PTPRN2: variants seen among roughly 807,000 people sequenced by gnomAD.
The protein encoded by PTPRN2 is protein tyrosine phosphatase receptor type N2, also known as receptor-type tyrosine-protein phosphatase N2.
In PTPRN2, 74 loss-of-function variants were observed where a neutral mutation model predicts 118.8. That is an observed-to-expected ratio of 0.62 (90% CI 0.52 to 0.76). PTPRN2 has a LOEUF of 0.76. Ranked by LOEUF, PTPRN2 falls within the 30% of genes least tolerant of loss-of-function variation. The probability of loss-of-function intolerance (pLI) is 0.00; values close to 1 mark genes in which losing one functional copy is unlikely to be tolerated. For synonymous variants in PTPRN2, 641 were observed against 608.0 expected (o/e 1.05, Z -0.80); for missense variants, 1,481 against 1,394.4 (o/e 1.06, Z -0.99).
In PTPRN2 at chr7:157,566,195, C is replaced by T. The variant is rs1337886877; in HGVS notation, c.2902+2707G>A. Among the ~76,000 whole-genome samples, 10 of 152,360 alleles carry T rather than the reference C, an allele frequency of 6.6e-5. No homozygotes were observed. In the South Asian group the frequency reaches 1.0e-3, roughly 16 times the overall value. On this transcript the variant is annotated intron_variant, in intron 21 of 22. Transcript: ENST00000389418. ...CAGGACTGGAGGGCCCTAACATCAG[C>T]GTTGGCACTGCCCGACTGCCCGGGA...
chr7:158,295,325 T>C, intron 3 of PTPRN2, among the ~76,000 whole-genome samples: 1 of 12,896 alleles, frequency 7.8e-5, no homozygotes, highest in African/African-American at 2.4e-4. Context: ...CCTGCCTGTC[T>C]GCCCAGACAC....
chr7:158,044,260 T>C (rs575940973), intron 11 of PTPRN2, among the ~76,000 whole-genome samples: 2 of 152,266 alleles, frequency 1.3e-5, no homozygotes, highest in African/African-American at 2.4e-5. Context: ...CTGGTGCGTC[T>C]GGGGAGCTCA....
At chr7:157,855,315 G>C (rs1407931929) in intron 12 of PTPRN2, among the ~76,000 whole-genome samples, 1 of 152,166 alleles carries the variant, frequency 6.6e-6, no homozygotes, top group African/African-American at 2.4e-5. Flanking sequence ...TCTCGAGCTC[G>C]GCCTCTTAAG....
chr7:158,337,518 C>A (rs1366524955), intron 2 of PTPRN2, among the ~76,000 whole-genome samples: 1 of 151,056 alleles, frequency 6.6e-6, no homozygotes, highest in Admixed American at 6.6e-5. Context: ...CACACTCTCA[C>A]CATAAGAGGT....
chr7:158,530,965 G>C (rs961868251), intron 1 of PTPRN2, among the ~76,000 whole-genome samples: 3 of 152,164 alleles, frequency 2.0e-5, no homozygotes, highest in Non-Finnish European at 4.4e-5. Flanking sequence ...CATGTGTACG[G>C]ATGTATCTGT....
intron 3 of PTPRN2, among the ~76,000 whole-genome samples, chr7:158,269,264 C>A (rs2150954794): frequency 1.3e-5 from 2 of 152,306 alleles, no homozygotes; most frequent in East Asian, 3.9e-4. Flanking sequence ...GGAAGGAGAA[C>A]AAGGAGACGG....
At chr7:158,260,017 T>C (rs1477479630) in intron 3 of PTPRN2, among the ~76,000 whole-genome samples, 4 of 151,278 alleles carry the variant, frequency 2.6e-5, no homozygotes, top group Non-Finnish European at 5.9e-5. Context: ...CATGTGTCCC[T>C]GGTGTACATG....
Position 158,323,814 on chromosome 7 carries a change from C to G in PTPRN2, c.164-6882G>C, listed in dbSNP as rs553845930. On this transcript the variant is annotated intron_variant, in intron 2 of 22. Transcript: ENST00000389418. ...TATAGTCTGTGGGGCTGCATACCTC[C>G]CTCCAACCTTACACCACACGTGTGT... is the stretch of plus-strand genomic sequence containing the variant. Among the ~76,000 whole-genome samples, 17 of 152,310 alleles carry G rather than the reference C, an allele frequency of 1.1e-4. No individual in the cohort carries two copies. The East Asian group carries it at 2.7e-3, about 24-fold the overall frequency.
At chr7:157,842,206 A>G (rs908345614) in intron 12 of PTPRN2, among the ~76,000 whole-genome samples, 1 of 152,080 alleles carries the variant, frequency 6.6e-6, no homozygotes, top group African/African-American at 2.4e-5. Flanking sequence ...GTGCTGCTGC[A>G]TCACATGGTC....
intron 21 of PTPRN2, among the ~76,000 whole-genome samples, chr7:157,554,698 G>A (rs1463971052): frequency 6.6e-6 from 1 of 152,240 alleles, no homozygotes; most frequent in East Asian, 1.9e-4. Context: ...CCTGCAAACA[G>A]TCGAGGAGTC....
intron 11 of PTPRN2, among the ~76,000 whole-genome samples, chr7:157,942,587 G>A (rs1459890049): frequency 6.6e-6 from 1 of 151,998 alleles, no homozygotes. Flanking sequence ...ACTGGGAGCT[G>A]GTGGAATATG....
intron 21 of PTPRN2, among the ~76,000 whole-genome samples, chr7:157,552,771 G>A (rs762300612): frequency 2.0e-5 from 3 of 152,220 alleles, no homozygotes; most frequent in South Asian, 2.1e-4. Flanking sequence ...GGGGAAGCTC[G>A]GGCTACAGTG....
chr7:157,868,784 T>C lies in PTPRN2; in HGVS notation c.1788+29889A>G, dbSNP rs1234396892. ...TGCACTCCGGGCCATGCGTGGCTGG[T>C]AACTGGGAAATGCTCGACATGGAAA... is the stretch of plus-strand genomic sequence containing the variant. On this transcript the variant is annotated intron_variant, in intron 12 of 22. Transcript: ENST00000389418. The surrounding 1 kb of genome is among the most constrained non-coding windows in gnomAD (Gnocchi z 5.2). The C allele has an allele frequency of 6.6e-6, 1 of 152,200 alleles. No homozygotes were observed. Among genetic ancestry groups the C allele is most frequent in the Non-Finnish European group, 1.5e-5 (1 of 68,056 alleles). The allele number at this position is 152,200 out of a possible 1,614,324, so 9.4% of individuals were successfully genotyped here.
intron 11 of PTPRN2, among the ~76,000 whole-genome samples, chr7:157,966,301 CACCACCATCATCTTCATT>C (rs1369918744): frequency 2.0e-5 from 3 of 152,134 alleles, no homozygotes; most frequent in African/African-American, 7.2e-5. Flanking sequence ...TCATCACCAT[CACCACCATCATCTTCATT>C]ACCACCATCA....
intron 2 of PTPRN2, among the ~76,000 whole-genome samples, chr7:158,464,698 T>TTCA (rs1351655498): frequency 6.7e-6 from 1 of 149,846 alleles, no homozygotes; most frequent in African/African-American, 2.4e-5. Flanking sequence ...TAAATAATCC[T>TTCA]TCATCACCAC....
rs112146535 is a variant in PTPRN2 at position 157,788,172 on chromosome 7, G to A, written c.1789-105235C>T. ...GGGCGGATCACGAGGTCAGGAGATC[G>A]AGATCATCCCGGCTAACATGGTGAA... On this transcript the variant is annotated intron_variant, in intron 12 of 22. Transcript: ENST00000389418. Among the ~76,000 whole-genome samples, 1,129 of 152,208 alleles carry A rather than the reference G, an allele frequency of 7.4e-3. 13 individuals are homozygous for A. The highest frequency in any genetic ancestry group is 0.026 in the African/African-American group (1,068 of 41,542).
chr7:157,871,608 CCTTTT>C (rs1811052968), intron 12 of PTPRN2, among the ~76,000 whole-genome samples: 1 of 152,070 alleles, frequency 6.6e-6, no homozygotes, highest in African/African-American at 2.4e-5. Flanking sequence ...TCACCCTCCT[CCTTTT>C]ATTTTTTTTT....
intron 12 of PTPRN2, among the ~76,000 whole-genome samples, chr7:157,758,999 A>T (rs1197241385): frequency 6.6e-6 from 1 of 152,208 alleles, no homozygotes; most frequent in Non-Finnish European, 1.5e-5. Context: ...TTTATGTCAT[A>T]CTTTCCAAGT....
rs180969862 is a variant in PTPRN2, at chr7:157,794,758, C to T, written c.1788+103915G>A. Among the ~76,000 whole-genome samples, 1 of 152,330 alleles carries T rather than the reference C, an allele frequency of 6.6e-6. No homozygotes were observed. The highest frequency in any genetic ancestry group is 6.5e-5 in the Admixed American group (1 of 15,306). On this transcript the variant is annotated intron_variant, in intron 12 of 22. Transcript: ENST00000389418. The surrounding 1 kb of genome is among the most constrained non-coding windows in gnomAD (Gnocchi z 5.2). ...AATGTGTGGAGTTGTGGAGACAGCT[C>T]ACCAGCAGAACAGTGAGCTACCTTC...
Sources: allele counts gnomAD v4.1 joint callset (sites outside exome capture counted in the v4.1 genomes callset), GRCh38; gene constraint gnomAD v4.1.1; non-coding constraint Gnocchi (gnomAD v3.1); transcripts MANE v1.5; gene names NCBI Gene and HGNC (gene_info 2026-07-23, HGNC 2026-07-21).